Variants in OGDHL observed in about 807,000 individuals in gnomAD.
The protein encoded by OGDHL is 2-oxoglutarate dehydrogenase-like, mitochondrial.
In OGDHL, 79 loss-of-function variants were observed where a neutral mutation model predicts 109.6. That is an observed-to-expected ratio of 0.72 (90% CI 0.60 to 0.87). The LOEUF (loss-of-function observed/expected upper bound fraction) is 0.87. OGDHL is among the 40% of genes least tolerant of loss of function. The pLI, the probability that OGDHL is intolerant of heterozygous loss-of-function variation, is 0.00. For missense variants in OGDHL, 1,275 were observed against 1,362.2 expected, an observed-to-expected ratio of 0.94 and a Z score of 1.01; for synonymous variants, 528 against 537.2, an observed-to-expected ratio of 0.98 and a Z score of 0.24.
Position 49,747,113 on chromosome 10 carries a change from G to A in OGDHL, c.1083C>T (p.Pro361=). 1 of 1,614,202 alleles carries A rather than the reference G, an allele frequency of 6.2e-7. No individual in the cohort carries two copies. Among genetic ancestry groups the A allele is most frequent in the South Asian group, 1.1e-5 (1 of 91,086 alleles). Residue 361 remains proline (P), a synonymous_variant, in exon 9 of 23, where the codon CCC becomes CCT. Transcript: ENST00000374103. ...RNITLSLVAN[P]SHLEAVDPVV... ...CAGGGTCCACTGCCTCCAGGTGGGA[G>A]GGGTTGGCAACCAGCGACAGAGTGA...
Position 49,747,101 on chromosome 10 carries a change from C to T in OGDHL, c.1095G>A (p.Glu365=), listed in dbSNP as rs779879740. The part of the protein sequence containing the change: ...LSLVANPSHL[E]AVDPVVQGKT... The stretch of plus-strand genomic sequence containing the variant: ...TCCCCTGCACCACAGGGTCCACTGC[C>T]TCCAGGTGGGAGGGGTTGGCAACCA... Residue 365 remains glutamate (E), a synonymous_variant, in exon 9 of 23, where the codon GAG becomes GAA. Transcript: ENST00000374103. 1 of 1,614,194 alleles carries T rather than the reference C, an allele frequency of 6.2e-7. No individual in the cohort carries two copies. Among genetic ancestry groups the T allele is most frequent in the Non-Finnish European group, 8.5e-7 (1 of 1,180,012 alleles).
chr10:49,760,316 C>T (rs1203836444), intron 1 of OGDHL, among the ~76,000 whole-genome samples: 10 of 152,214 alleles, frequency 6.6e-5, no homozygotes, highest in Non-Finnish European at 1.5e-5. Context: ...AGCCCTAGAG[C>T]GCGGGGCACT....
intron 6 of OGDHL, among the ~76,000 whole-genome samples, chr10:49,751,489 G>T (rs1185375934): frequency 1.3e-5 from 2 of 152,192 alleles, no homozygotes; most frequent in East Asian, 3.9e-4. Flanking sequence ...CCAGTGAACA[G>T]ACAGGTGGTG....
At chr10:49,749,564 T>C (rs1311771403) in intron 8 of OGDHL, among the ~76,000 whole-genome samples, 162 bp downstream of exon 8, 2 of 152,080 alleles carry the variant, frequency 1.3e-5, no homozygotes, top group Admixed American at 1.3e-4. Context: ...CAAAAAGCCT[T>C]AGGGTCCTCA....
At chr10:49,742,370 C>A (rs1194479913) in intron 15 of OGDHL, among the ~76,000 whole-genome samples, 1 of 107,306 alleles carries the variant, frequency 9.3e-6, no homozygotes, top group African/African-American at 3.2e-5. Flanking sequence ...ACACCACACA[C>A]CCACAAATAC....
intron 6 of OGDHL, 42 bp downstream of exon 6, chr10:49,751,785 G>C (rs1842607944): frequency 3.1e-6 from 5 of 1,602,882 alleles, no homozygotes; most frequent in Non-Finnish European, 4.3e-6. Context: ...TAGAGCCCTG[G>C]AGCAGGACCT....
intron 16 of OGDHL, among the ~76,000 whole-genome samples, chr10:49,740,443 G>A (rs72795765): frequency 0.038 from 5,822 of 152,128 alleles, 161 homozygotes; most frequent in African/African-American, 0.066. Context: ...CTCTGTCTGC[G>A]CCCACTGGGG....
At chr10:49,752,899 C>A (rs1238541311) in intron 3 of OGDHL, among the ~76,000 whole-genome samples, 159 bp from the exon 4 acceptor site, 6 of 152,372 alleles carry the variant, frequency 3.9e-5, no homozygotes, top group African/African-American at 1.4e-4. Flanking sequence ...TGCGAGACCC[C>A]AGCCACAGCC....
intron 18 of OGDHL, 54 bp from the exon 19 acceptor site, chr10:49,738,126 T>C (rs1590679501): frequency 4.3e-6 from 7 of 1,614,014 alleles, no homozygotes; most frequent in Non-Finnish European, 5.9e-6. Context: ...ACCCACACCC[T>C]GGACCCCTAG....
intron 3 of OGDHL, among the ~76,000 whole-genome samples, chr10:49,753,046 T>C (rs960372743): frequency 6.6e-6 from 1 of 152,096 alleles, no homozygotes; most frequent in African/African-American, 2.4e-5. Flanking sequence ...CCACTGTCTA[T>C]CAGCAGGAGA....
At chr10:49,760,166 T>C (rs186947196) in intron 1 of OGDHL, among the ~76,000 whole-genome samples, 1 of 151,986 alleles carries the variant, frequency 6.6e-6, no homozygotes, top group East Asian at 1.9e-4. Context: ...ACAGAGAAAA[T>C]TTTCAAAACA....
At chr10:49,735,984 G>C in intron 22 of OGDHL, 39 bp downstream of exon 22, 2 of 1,533,916 alleles carry the variant, frequency 1.3e-6, no homozygotes, top group Non-Finnish European at 1.8e-6. Flanking sequence ...CAGAGCCTCA[G>C]GGCCGAGGTG....
chr10:49,761,063 C>T (rs2132282806), intron 1 of OGDHL, among the ~76,000 whole-genome samples: 1 of 152,348 alleles, frequency 6.6e-6, no homozygotes, highest in East Asian at 1.9e-4. Flanking sequence ...CCACCCCCAC[C>T]TGCATCCCAG....
At position 49,762,285 on chromosome 10, in the gene OGDHL, A is replaced by C. The variant is rs1028077341; in HGVS notation, c.-48T>G. 2 of 152,044 alleles carry C rather than the reference A, an allele frequency of 1.3e-5. No homozygotes were observed. Among genetic ancestry groups the C allele is most frequent in the Non-Finnish European group, 2.9e-5 (2 of 67,966 alleles). 9.4% of individuals were successfully genotyped at this position (152,044 alleles called of 1,614,324 possible). ...CGCTGCAGCGAGGTCCGGAGGCTGC[A>C]GGTCAGGGGGCTGCGCGGAAGGGGT... On this transcript the variant is annotated 5_prime_UTR_variant, in exon 1 of 23. Coordinates refer to ENST00000374103, the MANE Select transcript of OGDHL (RefSeq NM_018245.3).
chr10:49,759,334 A>G (rs368744151), intron 1 of OGDHL, among the ~76,000 whole-genome samples: 36 of 152,146 alleles, frequency 2.4e-4, no homozygotes, highest in African/African-American at 8.7e-4. Flanking sequence ...CCCCAGGCCC[A>G]GCCCAGCGCC....
At chr10:49,740,425 G>GT (rs1841560024) in intron 16 of OGDHL, among the ~76,000 whole-genome samples, 1 of 152,136 alleles carries the variant, frequency 6.6e-6, no homozygotes, top group Admixed American at 6.5e-5. Flanking sequence ...AGCAGACTGT[G>GT]TTGGGCTCTC....
rs547677531 is a variant in OGDHL at position 49,755,362 on chromosome 10, C to G, written c.375+1414G>C. Among the ~76,000 whole-genome samples, 9 of 152,196 alleles carry G rather than the reference C, an allele frequency of 5.9e-5. No homozygotes were observed. The South Asian group carries it at 1.7e-3, about 28-fold the overall frequency. On this transcript the variant is annotated intron_variant, in intron 3 of 22. Coordinates refer to ENST00000374103, the MANE Select transcript of OGDHL (RefSeq NM_018245.3). ...TATCATGGCACATTTTTTAAGAAGC[C>G]CTTTTCTCTAGACATACACAAAGAA...
At position 49,740,781 on chromosome 10, in the gene OGDHL, A is replaced by T; in HGVS notation, c.2069T>A (p.Met690Lys). The change falls in exon 16 of 23, where the codon ATG becomes AAG. Residue 690 changes from methionine (M) to lysine (K), a missense_variant. Coordinates refer to ENST00000374103, the MANE Select transcript of OGDHL (RefSeq NM_018245.3). The part of the protein sequence containing the change: ...QEVDRRTCVP[M>K]NHLWPDQAPY... ...GGCCTGGTCAGGCCAGAGATGATTC[A>T]TAGGCACACACGTCCTGCGGTCAAC... 1 of 1,613,944 alleles carries T rather than the reference A, an allele frequency of 6.2e-7. No homozygotes were observed. Among genetic ancestry groups the T allele is most frequent in the Non-Finnish European group, 8.5e-7 (1 of 1,179,844 alleles).
chr10:49,749,608 C>G, intron 8 of OGDHL, 118 bp downstream of exon 8: 1 of 853,890 alleles, frequency 1.2e-6, no homozygotes, highest in South Asian at 1.8e-5. Context: ...GCAGGCTTCT[C>G]CAATGCATCC....
Sources: allele counts gnomAD v4.1 joint callset (sites outside exome capture counted in the v4.1 genomes callset), GRCh38; gene constraint gnomAD v4.1.1; transcripts MANE v1.5; gene names NCBI Gene and HGNC (gene_info 2026-07-23, HGNC 2026-07-21).